Variants in FBXL13 observed in about 807,000 individuals in gnomAD.
FBXL13 encodes the protein F-box and leucine-rich repeat protein 13.
A neutral mutation model predicts 83.6 loss-of-function variants in FBXL13; 67 were observed. That is an observed-to-expected ratio of 0.80 (90% confidence interval 0.66 to 0.98). FBXL13 has a LOEUF of 0.98. Ranked by LOEUF, FBXL13 falls within the 50% of genes least tolerant of loss-of-function variation. The pLI is 0.00. For missense variants in FBXL13, 822 were observed against 866.5 expected, an observed-to-expected ratio of 0.95 and a Z score of 0.64; for synonymous variants, 272 against 299.5, an observed-to-expected ratio of 0.91 and a Z score of 0.95.
intron 11 of FBXL13, among the ~76,000 whole-genome samples, chr7:102,901,842 CACTT>C (rs2129465356): frequency 6.6e-6 from 1 of 152,270 alleles, no homozygotes; most frequent in African/African-American, 2.4e-5. Flanking sequence ...TGCTGATAGA[CACTT>C]AGGTTGCTTG....
intron 8 of FBXL13, 41 bp downstream of exon 9, chr7:102,963,492 T>C (rs1183433181): frequency 3.1e-6 from 5 of 1,598,780 alleles, no homozygotes; most frequent in Non-Finnish European, 4.2e-6. Flanking sequence ...TTAATTGTAA[T>C]ACAGGAAAGC....
chr7:102,907,913 A>G (rs1814010464), intron 11 of FBXL13, among the ~76,000 whole-genome samples: 1 of 152,200 alleles, frequency 6.6e-6, no homozygotes, highest in Non-Finnish European at 1.5e-5. Context: ...GTCAGGAAAT[A>G]ATAGGTGCTG....
At chr7:103,067,201 C>T (rs1798485803) in intron 1 of FBXL13, among the ~76,000 whole-genome samples, 1 of 152,126 alleles carries the variant, frequency 6.6e-6, no homozygotes, top group Non-Finnish European at 1.5e-5. Context: ...ATTGTGTGTT[C>T]TTCCTTTAAA....
chr7:102,978,142 C>G (rs1303116162), intron 6 of FBXL13, among the ~76,000 whole-genome samples: 1 of 152,106 alleles, frequency 6.6e-6, no homozygotes, highest in Non-Finnish European at 1.5e-5. Flanking sequence ...AACTGCCAGA[C>G]AATCCAGACA....
intron 2 of FBXL13, among the ~76,000 whole-genome samples, chr7:103,040,920 T>A (rs1050080739): frequency 6.6e-6 from 1 of 151,990 alleles, no homozygotes; most frequent in African/African-American, 2.4e-5. Flanking sequence ...TTAAAAGAAC[T>A]AGAGAAGCAA....
intron 8 of FBXL13, among the ~76,000 whole-genome samples, chr7:102,954,881 G>C (rs962981345): frequency 1.3e-5 from 2 of 152,140 alleles, no homozygotes; most frequent in Admixed American, 6.5e-5. Context: ...GGAGTTTCCA[G>C]ATTCATAAAA....
intron 2 of FBXL13, among the ~76,000 whole-genome samples, chr7:103,042,666 C>T (rs1795849586): frequency 6.6e-6 from 1 of 152,176 alleles, no homozygotes; most frequent in Non-Finnish European, 1.5e-5. Flanking sequence ...AATAACACAA[C>T]ACATCTACAA....
intron 6 of FBXL13, among the ~76,000 whole-genome samples, chr7:102,997,323 G>T (rs751047372): frequency 3.3e-5 from 5 of 152,100 alleles, no homozygotes; most frequent in Non-Finnish European, 7.4e-5. Context: ...CATATTTTGA[G>T]GGTACACGTG....
chr7:103,034,535 G>A (rs1020692369), intron 2 of FBXL13, among the ~76,000 whole-genome samples: 6 of 152,198 alleles, frequency 3.9e-5, no homozygotes, highest in Admixed American at 6.5e-5. Flanking sequence ...CGGAACTCCC[G>A]CTGGCCCGCA....
At chr7:102,940,182 C>A (rs1821118266) in intron 8 of FBXL13, among the ~76,000 whole-genome samples, 2 of 151,336 alleles carry the variant, frequency 1.3e-5, no homozygotes, top group Admixed American at 6.6e-5. Flanking sequence ...GCATGAGCCA[C>A]CGCGCCTGGC....
At chr7:102,948,436 T>C (rs1479429948) in intron 8 of FBXL13, among the ~76,000 whole-genome samples, 2 of 152,070 alleles carry the variant, frequency 1.3e-5, no homozygotes, top group Admixed American at 1.3e-4. Context: ...TTATTTTCTT[T>C]TTTTTGACAC....
At chr7:102,941,108 G>A (rs1351574812) in intron 8 of FBXL13, among the ~76,000 whole-genome samples, 1 of 152,054 alleles carries the variant, frequency 6.6e-6, no homozygotes, top group African/African-American at 2.4e-5. Flanking sequence ...ATTTCCCAAG[G>A]GACAGCAGTA....
At chr7:102,885,478 T>G (rs899089256) in intron 11 of FBXL13, among the ~76,000 whole-genome samples, 1 of 152,162 alleles carries the variant, frequency 6.6e-6, no homozygotes, top group Non-Finnish European at 1.5e-5. Context: ...TTTGTCTTTT[T>G]GTTGTTGAAT....
chr7:102,945,529 G>T (rs1235275712), intron 8 of FBXL13, among the ~76,000 whole-genome samples: 1 of 151,982 alleles, frequency 6.6e-6, no homozygotes, highest in Admixed American at 6.6e-5. Flanking sequence ...GGGAGGAGGT[G>T]GTGCCCAAAA....
intron 6 of FBXL13, among the ~76,000 whole-genome samples, chr7:103,021,456 T>C (rs1283406266): frequency 6.6e-6 from 1 of 152,094 alleles, no homozygotes; most frequent in Non-Finnish European, 1.5e-5. Flanking sequence ...CTAAAAGCAA[T>C]GACACCAAAA....
chr7:102,861,988 A>AG (rs903465818), intron 16 of FBXL13, among the ~76,000 whole-genome samples: 2 of 151,694 alleles, frequency 1.3e-5, no homozygotes, highest in African/African-American at 4.9e-5. Flanking sequence ...TCTCCAAAAA[A>AG]AAAAAAAAAA....
intron 17 of FBXL13, among the ~76,000 whole-genome samples, chr7:102,849,883 G>C (rs968143379): frequency 6.6e-6 from 1 of 152,074 alleles, no homozygotes; most frequent in African/African-American, 2.4e-5. Flanking sequence ...AAAAATTTCA[G>C]GGTTGAGGGT....
chr7:102,844,986 T>C (rs1020648637), intron 17 of FBXL13, among the ~76,000 whole-genome samples: 7 of 152,150 alleles, frequency 4.6e-5, no homozygotes, highest in African/African-American at 1.7e-4. Flanking sequence ...AGGTCCTGAG[T>C]GCAGGAACTT....
At chr7:102,888,022 T>C (rs1190354469) in intron 11 of FBXL13, among the ~76,000 whole-genome samples, 7 of 152,342 alleles carry the variant, frequency 4.6e-5, no homozygotes, top group South Asian at 4.1e-4. Context: ...TCTCCTACCA[T>C]AGACCTCTTC....
Sources: allele counts gnomAD v4.1 joint callset (sites outside exome capture counted in the v4.1 genomes callset), GRCh38; gene constraint gnomAD v4.1.1; transcripts MANE v1.5; gene names NCBI Gene and HGNC (gene_info 2026-07-23, HGNC 2026-07-21).